The following ACTR3C variants were observed in gnomAD, a reference collection of about 807,000 sequenced individuals.
The protein encoded by ACTR3C is actin-related protein 3C.
Under a neutral mutation model 26.3 loss-of-function variants are expected in ACTR3C, and 18 were observed. That is an observed-to-expected ratio of 0.68 (90% CI 0.47 to 1.01). The LOEUF (loss-of-function observed/expected upper bound fraction) is 1.01, where lower values mean the gene tolerates loss of function less well. ACTR3C is among the 50% of genes least tolerant of loss of function. The probability of loss-of-function intolerance (pLI) is 0.00; values close to 1 mark genes in which losing one functional copy is unlikely to be tolerated. For synonymous variants in ACTR3C, 55 were observed against 94.5 expected (o/e 0.58, Z 2.42); for missense variants, 184 against 250.7 (o/e 0.73, Z 1.80).
chr7:150,036,998 C>CAGGGGCGGAAGAGGGGATAGCTCTCAGT, the ACTR3C span, among the ~76,000 whole-genome samples: 2 of 83,200 alleles, frequency 2.4e-5, 1 homozygote, highest in Admixed American at 2.0e-4. Context: ...GTGCCTCCGC[C>CAGGGGCGGAAGAGGGGATAGCTCTCAGT]CCCCTGCGAT....
At chr7:150,011,359 G>A in the ACTR3C span, among the ~76,000 whole-genome samples, 24 of 152,012 alleles carry the variant, frequency 1.6e-4, no homozygotes, top group Admixed American at 4.6e-4. Context: ...GGCCAAGGCA[G>A]GCAGATCACG....
At chr7:150,142,424 G>A in the ACTR3C span, among the ~76,000 whole-genome samples, 6 of 152,152 alleles carry the variant, frequency 3.9e-5, no homozygotes, top group Middle Eastern at 3.2e-3. Context: ...ACTTACAAGC[G>A]CACTCCCCCA....
the ACTR3C span, among the ~76,000 whole-genome samples, chr7:149,933,292 G>A: frequency 6.6e-6 from 1 of 151,344 alleles, no homozygotes; most frequent in Non-Finnish European, 1.5e-5. Flanking sequence ...ATAATTTGCT[G>A]TATAAGGAAG....
At chr7:150,294,449 T>G (rs185912762) in intron 2 of ACTR3C, among the ~76,000 whole-genome samples, 88 of 152,374 alleles carry the variant, frequency 5.8e-4, no homozygotes, top group African/African-American at 2.0e-3. Context: ...ACCAGTCTTA[T>G]GTCTCCTGAA....
the ACTR3C span, among the ~76,000 whole-genome samples, chr7:150,019,315 C>T: frequency 2.0e-5 from 3 of 149,924 alleles, no homozygotes; most frequent in Non-Finnish European, 2.9e-5. Flanking sequence ...ATCTATTGGC[C>T]GGGAGCAGTA....
chr7:150,240,254 A>T (rs920411106), downstream of ACTR3C, among the ~76,000 whole-genome samples: 1 of 152,250 alleles, frequency 6.6e-6, no homozygotes, highest in African/African-American at 2.4e-5. Flanking sequence ...AAGTGCACTC[A>T]CAATGTTGTG....
chr7:150,261,610 C>G (rs1205593715), intron 6 of ACTR3C, among the ~76,000 whole-genome samples: 1 of 152,192 alleles, frequency 6.6e-6, no homozygotes, highest in African/African-American at 2.4e-5. Flanking sequence ...GCTGAGGCAG[C>G]AGAATTGCTT....
chr7:150,198,308 G>A, the ACTR3C span, among the ~76,000 whole-genome samples: 14 of 144,992 alleles, frequency 9.7e-5, no homozygotes, highest in South Asian at 4.5e-4. Context: ...GCCGCCCATC[G>A]TCTGGGATGT....
the ACTR3C span, among the ~76,000 whole-genome samples, chr7:150,209,872 T>C: frequency 2.1e-4 from 31 of 149,420 alleles, no homozygotes; most frequent in East Asian, 5.9e-3. Flanking sequence ...TGGGCCGAGA[T>C]TGGGCCACTG....
the ACTR3C span, among the ~76,000 whole-genome samples, chr7:150,143,728 G>C: frequency 6.6e-6 from 1 of 152,218 alleles, no homozygotes. Context: ...GTAGCTTCAG[G>C]ACAGGGCTGT....
chr7:149,972,348 T>C, the ACTR3C span, among the ~76,000 whole-genome samples: 1 of 152,258 alleles, frequency 6.6e-6, no homozygotes, highest in Non-Finnish European at 1.5e-5. Flanking sequence ...ATTTACTGCT[T>C]TCTATCTGCA....
At chr7:150,091,783 C>T in the ACTR3C span, among the ~76,000 whole-genome samples, 1 of 148,872 alleles carries the variant, frequency 6.7e-6, no homozygotes, top group African/African-American at 2.5e-5. Flanking sequence ...GAGATCGAGA[C>T]CATCCTGGCT....
chr7:150,195,304 A>G, the ACTR3C span, among the ~76,000 whole-genome samples: 1 of 151,864 alleles, frequency 6.6e-6, no homozygotes, highest in South Asian at 2.1e-4. Context: ...TGGAGCAATT[A>G]GGTATAAAAA....
At chr7:150,037,998 G>A in the ACTR3C span, among the ~76,000 whole-genome samples, 2 of 139,560 alleles carry the variant, frequency 1.4e-5, no homozygotes, top group African/African-American at 2.7e-5. Flanking sequence ...CCCGCCTCGC[G>A]GGAATTGCCT....
rs758535528 is a variant in ACTR3C, at chr7:150,284,763, G to A, written c.554C>T (p.Pro185Leu). 82 of 1,612,270 alleles carry A rather than the reference G, an allele frequency of 5.1e-5. No individual in the cohort carries two copies. Among genetic ancestry groups the A allele is most frequent in the East Asian group, 6.7e-5 (3 of 44,836 alleles). Residue 185 changes from proline (P) to leucine (L), a missense_variant, in exon 6 of 8, where the codon CCG becomes CTG. Pro to Leu is a moderately conservative substitution (Grantham distance 98, BLOSUM62 -3). Transcript: ENST00000683684. The stretch of plus-strand genomic sequence containing the variant: ...CCATGCAGCTCATACCTTATACAGC[G>A]GACGCCGCACATCGATGGGGCAGTT... ...IQNCPIDVRR[P>L]LYKMEQIPLS...
the ACTR3C span, among the ~76,000 whole-genome samples, chr7:149,992,740 T>C: frequency 2.6e-5 from 4 of 152,230 alleles, no homozygotes; most frequent in Admixed American, 6.5e-5. Context: ...GGGACAGATC[T>C]GTGGGATGTA....
chr7:150,163,402 G>A, the ACTR3C span, among the ~76,000 whole-genome samples: 354 of 147,418 alleles, frequency 2.4e-3, 3 homozygotes, highest in African/African-American at 7.1e-3. Context: ...GTGTGTGTGT[G>A]TATACACATA....
At chr7:150,080,481 T>C in the ACTR3C span, among the ~76,000 whole-genome samples, 1 of 151,954 alleles carries the variant, frequency 6.6e-6, no homozygotes, top group Admixed American at 6.6e-5. Context: ...AAACTACATC[T>C]TGACATCTTA....
intron 1 of ACTR3C, among the ~76,000 whole-genome samples, chr7:150,304,610 TCCTC>T (rs1314096452): frequency 1.3e-5 from 2 of 151,606 alleles, no homozygotes; most frequent in Admixed American, 6.6e-5. Context: ...TCCTTCTTCC[TCCTC>T]CCTCCCTCCC....
Sources: allele counts gnomAD v4.1 joint callset (sites outside exome capture counted in the v4.1 genomes callset), GRCh38; gene constraint gnomAD v4.1.1; transcripts MANE v1.5; gene names NCBI Gene and HGNC (gene_info 2026-07-23, HGNC 2026-07-21).